The following AGMO variants were observed in gnomAD, a reference collection of about 807,000 sequenced individuals.
AGMO encodes the protein alkylglycerol monooxygenase.
Under a neutral mutation model 60.2 loss-of-function variants are expected in AGMO, and 75 were observed. That is an observed-to-expected ratio of 1.25 (90% CI 1.03 to 1.51). AGMO has a LOEUF of 1.51. Among genes scored for constraint, AGMO ranks in the 40% most tolerant of loss-of-function variants. AGMO has a pLI of 0.00. For missense variants in AGMO, 763 were observed against 525.5 expected (o/e 1.45, Z -4.42); for synonymous variants, 261 against 177.1 (o/e 1.47, Z -3.76).
chr7:15,136,615 T>C, the AGMO span, among the ~76,000 whole-genome samples: 1 of 152,144 alleles, frequency 6.6e-6, no homozygotes, highest in Non-Finnish European at 1.5e-5. Flanking sequence ...CACTTGAAAA[T>C]TGAAGTTTTC....
intron 12 of AGMO, among the ~76,000 whole-genome samples, chr7:15,354,411 CGT>C (rs199522749): frequency 0.051 from 1,104 of 21,556 alleles, 95 homozygotes; most frequent in African/African-American, 0.22. Context: ...TGTGTACACA[CGT>C]GTGTGTATAC....
chr7:15,373,171 G>C (rs1321570018), intron 10 of AGMO, among the ~76,000 whole-genome samples: 2 of 151,944 alleles, frequency 1.3e-5, no homozygotes, highest in Non-Finnish European at 2.9e-5. Flanking sequence ...CCAGCTACTT[G>C]GGAGGTTAAG....
the AGMO span, among the ~76,000 whole-genome samples, chr7:15,194,152 A>T: frequency 1.3e-5 from 2 of 152,142 alleles, no homozygotes; most frequent in Non-Finnish European, 2.9e-5. Context: ...ATTTGTAATG[A>T]TCAAGTGTTT....
chr7:15,401,736 G>A (rs1784557315), intron 5 of AGMO, among the ~76,000 whole-genome samples: 1 of 152,084 alleles, frequency 6.6e-6, no homozygotes, highest in Non-Finnish European at 1.5e-5. Context: ...TTGTCTGAGA[G>A]GGAAAAATCA....
intron 12 of AGMO, among the ~76,000 whole-genome samples, chr7:15,241,458 T>TA (rs1782583806): frequency 1.8e-4 from 2 of 11,204 alleles, no homozygotes; most frequent in Non-Finnish European, 3.1e-4. Context: ...AGACTCCGTC[T>TA]CAAAAAAAAA....
intron 2 of AGMO, among the ~76,000 whole-genome samples, chr7:15,549,635 C>T (rs78666248): frequency 0.12 from 17,397 of 148,852 alleles, 1,310 homozygotes; most frequent in South Asian, 0.24. Flanking sequence ...AATATATATG[C>T]ACCCAATACA....
At chr7:15,198,440 T>G (rs1322006554), downstream of AGMO, among the ~76,000 whole-genome samples, 1 of 152,190 alleles carries the variant, frequency 6.6e-6, no homozygotes, top group Middle Eastern at 3.2e-3. Flanking sequence ...ATAAAGTGCC[T>G]TGGTTAATAA....
intron 5 of AGMO, among the ~76,000 whole-genome samples, chr7:15,402,354 T>C (rs1784573065): frequency 6.6e-6 from 1 of 151,674 alleles, no homozygotes; most frequent in South Asian, 2.1e-4. Context: ...TATTCTTTCA[T>C]CTATCTATCT....
chr7:15,366,158 C>G lies in AGMO; in HGVS notation c.1139G>C (p.Gly380Ala). The G allele has an allele frequency of 6.2e-7, 1 of 1,607,650 alleles. No homozygotes were observed. The highest frequency in any genetic ancestry group is 8.5e-7 in the Non-Finnish European group (1 of 1,176,342). The change falls in exon 11 of 13, where the codon GGA becomes GCA. Residue 380 changes from glycine (G) to alanine (A), a missense_variant. By Grantham distance (60) the Gly-to-Ala change is moderately conservative. Coordinates refer to ENST00000342526, the MANE Select transcript of AGMO (RefSeq NM_001004320.2). ...CFIILTLTSI[G>A]FLLDQRPKAA... is the part of the protein sequence containing the mutation. ...TTCTTGCCTTTGATCCAGAAGAAAT[C>G]CAATGGAAGTCAAGGTCAGGATAAT...
intron 3 of AGMO, among the ~76,000 whole-genome samples, chr7:15,453,442 A>G (rs1216039908): frequency 1.3e-5 from 2 of 152,202 alleles, no homozygotes; most frequent in Non-Finnish European, 2.9e-5. Flanking sequence ...AAGCAGACAC[A>G]GTGTAACAGA....
At chr7:15,156,749 A>G in the AGMO span, among the ~76,000 whole-genome samples, 1 of 151,644 alleles carries the variant, frequency 6.6e-6, no homozygotes, top group South Asian at 2.1e-4. Flanking sequence ...CCCTCTGTCC[A>G]CTCTCAGTGC....
chr7:15,271,425 G>A (rs1783607515), intron 12 of AGMO, among the ~76,000 whole-genome samples: 1 of 151,804 alleles, frequency 6.6e-6, no homozygotes, highest in African/African-American at 2.4e-5. Flanking sequence ...TTTTTGAGAG[G>A]GCAATTGTAA....
intron 3 of AGMO, among the ~76,000 whole-genome samples, chr7:15,530,722 T>C (rs188336382): frequency 7.0e-6 from 1 of 142,628 alleles, no homozygotes; most frequent in African/African-American, 2.5e-5. Flanking sequence ...TACATTTCTA[T>C]ATAGATATTC....
Position 15,507,369 on chromosome 7 carries a change from A to T in AGMO, c.409+37403T>A, listed in dbSNP as rs904554713. On this transcript the variant is annotated intron_variant, in intron 3 of 12. Transcript: ENST00000342526. ...GGAAAGAAAACAACACTACGGCTCA[A>T]TTTATCTTGTCCACAAAGTCAAACT... Among the ~76,000 whole-genome samples, 10 of 152,190 alleles carry T rather than the reference A, an allele frequency of 6.6e-5. No homozygotes were observed. The South Asian group carries it at 1.0e-3, about 16-fold the overall frequency.
At chr7:15,169,428 C>A in the AGMO span, among the ~76,000 whole-genome samples, 2 of 151,704 alleles carry the variant, frequency 1.3e-5, no homozygotes, top group African/African-American at 4.8e-5. Flanking sequence ...GTGTCTTTTT[C>A]TTTTTTTTCT....
At chr7:15,342,582 G>T (rs1781889869) in intron 12 of AGMO, among the ~76,000 whole-genome samples, 1 of 151,654 alleles carries the variant, frequency 6.6e-6, no homozygotes, top group East Asian at 1.9e-4. Flanking sequence ...TTTTAGCCAG[G>T]TTCCTCAATA....
chr7:15,134,215 T>C, the AGMO span, among the ~76,000 whole-genome samples: 1 of 151,992 alleles, frequency 6.6e-6, no homozygotes, highest in East Asian at 1.9e-4. Flanking sequence ...CAGGCTGGAG[T>C]ACAGTGGCAT....
intron 10 of AGMO, among the ~76,000 whole-genome samples, chr7:15,372,206 T>C (rs1783248563): frequency 6.6e-6 from 1 of 152,084 alleles, no homozygotes; most frequent in Non-Finnish European, 1.5e-5. Flanking sequence ...ATCCCAGCAC[T>C]TTACGACGCT....
chr7:15,352,554 A>C (rs1313754069), intron 12 of AGMO, among the ~76,000 whole-genome samples: 2 of 151,864 alleles, frequency 1.3e-5, no homozygotes, highest in African/African-American at 4.8e-5. Flanking sequence ...GTGCTTTTAA[A>C]ATCTCAGGCT....
Sources: allele counts gnomAD v4.1 joint callset (sites outside exome capture counted in the v4.1 genomes callset), GRCh38; gene constraint gnomAD v4.1.1; transcripts MANE v1.5; gene names NCBI Gene and HGNC (gene_info 2026-07-23, HGNC 2026-07-21).